Variants in ACOXL observed in about 807,000 individuals in gnomAD.
ACOXL encodes the protein acyl-CoA oxidase like, also known as acyl-coenzyme A oxidase-like protein.
Under a neutral mutation model 71.9 loss-of-function variants are expected in ACOXL, and 70 were observed. The ratio of observed to expected loss-of-function variants is 0.97; its 90% CI spans 0.80 to 1.19. ACOXL has a LOEUF of 1.19. Ranked by LOEUF, ACOXL falls within the 50% of genes most tolerant of loss-of-function variation. The pLI, the probability that ACOXL is intolerant of heterozygous loss-of-function variation, is 0.00. For missense variants in ACOXL, 703 were observed against 736.3 expected (o/e 0.95, Z 0.52); for synonymous variants, 253 against 281.6 (o/e 0.90, Z 1.02).
chr2:110,738,410 C>T (rs550515717), intron 1 of ACOXL, among the ~76,000 whole-genome samples: 4 of 152,222 alleles, frequency 2.6e-5, no homozygotes, highest in South Asian at 2.1e-4. Context: ...ATTAACTTTT[C>T]GAGATTTTTA....
chr2:111,049,665 C>T (rs1489516147), intron 16 of ACOXL, among the ~76,000 whole-genome samples: 1 of 152,108 alleles, frequency 6.6e-6, no homozygotes, highest in Non-Finnish European at 1.5e-5. Context: ...CATACGTTCC[C>T]AGTCTGCTGC....
intron 16 of ACOXL, among the ~76,000 whole-genome samples, chr2:111,077,648 T>C (rs1251357265): frequency 6.6e-6 from 1 of 152,304 alleles, no homozygotes; most frequent in Admixed American, 6.5e-5. Flanking sequence ...TTCTCATTGG[T>C]AATTTTTTAA....
At chr2:111,058,315 C>A (rs2066646679) in intron 16 of ACOXL, among the ~76,000 whole-genome samples, 1 of 152,156 alleles carries the variant, frequency 6.6e-6, no homozygotes. Context: ...CATCAGGGAG[C>A]TTCTGAGATA....
intron 16 of ACOXL, among the ~76,000 whole-genome samples, chr2:111,060,670 A>G (rs559779406): frequency 6.6e-6 from 1 of 152,374 alleles, no homozygotes; most frequent in East Asian, 1.9e-4. Context: ...CCATCGGTAG[A>G]CACTAATATC....
chr2:110,942,163 A>G (rs2149371853), intron 12 of ACOXL, among the ~76,000 whole-genome samples: 1 of 152,348 alleles, frequency 6.6e-6, no homozygotes, highest in South Asian at 2.1e-4. Flanking sequence ...AGAAGTATGG[A>G]AGAATGAAAA....
At chr2:110,846,639 A>ACGCG (rs199684051) in intron 10 of ACOXL, among the ~76,000 whole-genome samples, 33 of 140,038 alleles carry the variant, frequency 2.4e-4, no homozygotes, top group African/African-American at 8.2e-4. Flanking sequence ...GTATGCATAC[A>ACGCG]CGCACACACA....
intron 12 of ACOXL, among the ~76,000 whole-genome samples, chr2:110,974,352 G>C (rs886976137): frequency 2.9e-4 from 44 of 152,180 alleles, no homozygotes; most frequent in African/African-American, 9.7e-4. Flanking sequence ...ATGTGCTGTG[G>C]CATTTCTGCA....
At chr2:111,079,287 G>T (rs190470393) in intron 16 of ACOXL, among the ~76,000 whole-genome samples, 19 of 152,220 alleles carry the variant, frequency 1.2e-4, no homozygotes, top group African/African-American at 4.1e-4. Context: ...TCCATTGACT[G>T]ATTCCACATT....
chr2:110,913,852 A>G (rs2059740456), intron 11 of ACOXL, among the ~76,000 whole-genome samples: 1 of 152,150 alleles, frequency 6.6e-6, no homozygotes, highest in Non-Finnish European at 1.5e-5. Context: ...CACTTGAAAC[A>G]ATTAGATTTT....
intron 16 of ACOXL, among the ~76,000 whole-genome samples, chr2:111,049,904 A>G (rs1361900441): frequency 6.6e-6 from 1 of 152,014 alleles, no homozygotes; most frequent in Non-Finnish European, 1.5e-5. Context: ...AGGTGAGCCA[A>G]AAGTGTGGAA....
intron 15 of ACOXL, among the ~76,000 whole-genome samples, chr2:111,039,950 C>A (rs76561691): frequency 0.016 from 2,431 of 152,298 alleles, 70 homozygotes; most frequent in African/African-American, 0.056. Context: ...GTATGTAAAC[C>A]AGCCTCTTGG....
At chr2:110,990,543 T>C (rs1439282741) in intron 13 of ACOXL, among the ~76,000 whole-genome samples, 1 of 152,200 alleles carries the variant, frequency 6.6e-6, no homozygotes, top group Non-Finnish European at 1.5e-5. Flanking sequence ...CCAACACAAT[T>C]TGAATAGAAG....
In ACOXL at chr2:110,870,235, A is replaced by G. The variant is rs557615529; in HGVS notation, c.788+28830A>G. Among the ~76,000 whole-genome samples the G allele has an allele frequency of 3.3e-5, 5 of 152,256 alleles. No homozygotes were observed. In the South Asian group the frequency reaches 1.0e-3, roughly 32 times the overall value. On this transcript the variant is annotated intron_variant, in intron 10 of 17. Transcript: ENST00000439055. ...GCCTACCTGCTGGACAGCACAGAGC[A>G]TCCCATCTTTGTGGAAGACTCTTTA...
At chr2:111,053,841 C>G (rs1436699109) in intron 16 of ACOXL, among the ~76,000 whole-genome samples, 2 of 152,230 alleles carry the variant, frequency 1.3e-5, no homozygotes, top group African/African-American at 4.8e-5. Context: ...CAGAGCCTCC[C>G]TGCCTCCCTC....
chr2:110,831,731 A>G (rs1689851392), intron 9 of ACOXL, among the ~76,000 whole-genome samples: 1 of 152,202 alleles, frequency 6.6e-6, no homozygotes, highest in African/African-American at 2.4e-5. Flanking sequence ...GAAGATCTAC[A>G]AGTAGATCAA....
At chr2:110,797,909 T>C (rs1685468504) in intron 5 of ACOXL, among the ~76,000 whole-genome samples, 1 of 152,136 alleles carries the variant, frequency 6.6e-6, no homozygotes, top group African/African-American at 2.4e-5. Flanking sequence ...AGCGAGATAA[T>C]TGAAGAAAGC....
intron 10 of ACOXL, chr2:110,888,151 G>A (rs894632706): frequency 2.0e-5 from 3 of 152,084 alleles, no homozygotes; most frequent in Admixed American, 2.0e-4. Context: ...AATGGCTCAA[G>A]GAAGACCCAA....
chr2:111,070,217 G>A (rs569261614), intron 16 of ACOXL, among the ~76,000 whole-genome samples: 2 of 152,046 alleles, frequency 1.3e-5, no homozygotes, highest in African/African-American at 2.4e-5. Context: ...TTATTGCAGC[G>A]CTATTCACAA....
intron 9 of ACOXL, among the ~76,000 whole-genome samples, chr2:110,807,963 A>G (rs1045089033): frequency 6.6e-6 from 1 of 152,144 alleles, no homozygotes; most frequent in Non-Finnish European, 1.5e-5. Flanking sequence ...CCCAAATGTC[A>G]TATTTTTCAT....
Sources: gnomAD v4.1 joint callset for allele counts (sites outside exome capture counted in the v4.1 genomes callset) on GRCh38, gnomAD v4.1.1 for gene constraint, MANE v1.5 for transcripts, NCBI Gene and HGNC (gene_info 2026-07-23, HGNC 2026-07-21) for gene names.